NOX4: variants seen among roughly 807,000 people sequenced by gnomAD.
NOX4 encodes the protein NADPH oxidase 4.
Under a neutral mutation model 87.6 loss-of-function variants are expected in NOX4, and 69 were observed. The observed-to-expected ratio is 0.79, with a 90% CI of 0.65 to 0.96. The LOEUF (loss-of-function observed/expected upper bound fraction) is 0.96. NOX4 is among the 40% of genes least tolerant of loss of function. The pLI is 0.00. For missense variants in NOX4, 680 were observed against 681.5 expected (o/e 1.00, Z 0.02); for synonymous variants, 275 against 238.2 (o/e 1.15, Z -1.42).
chr11:89,572,025 A>G, the NOX4 span, among the ~76,000 whole-genome samples: 1 of 152,200 alleles, frequency 6.6e-6, no homozygotes, highest in African/African-American at 2.4e-5. Context: ...AAAAGAATAC[A>G]GTCTTTTGCC....
chr11:89,410,466 G>T (rs1254004674), intron 8 of NOX4, among the ~76,000 whole-genome samples: 1 of 152,170 alleles, frequency 6.6e-6, no homozygotes, highest in Non-Finnish European at 1.5e-5. Context: ...GGGATTCCCT[G>T]CATAAAGATG....
intron 7 of NOX4, among the ~76,000 whole-genome samples, chr11:89,429,483 A>G (rs190364081): frequency 3.3e-5 from 5 of 152,294 alleles, no homozygotes; most frequent in Admixed American, 2.0e-4. Flanking sequence ...AAAGAAGAAA[A>G]GAGAGAAGAA....
chr11:89,481,769 T>A (rs1334399177), intron 2 of NOX4, among the ~76,000 whole-genome samples: 3 of 152,062 alleles, frequency 2.0e-5, no homozygotes, highest in Non-Finnish European at 2.9e-5. Context: ...TTTAACTATA[T>A]GAAATTCATC....
chr11:89,377,428 T>C (rs1328119874), intron 11 of NOX4, among the ~76,000 whole-genome samples: 1 of 152,154 alleles, frequency 6.6e-6, no homozygotes, highest in African/African-American at 2.4e-5. Flanking sequence ...AATCTGACTG[T>C]AACAACAGAT....
upstream of NOX4, among the ~76,000 whole-genome samples, chr11:89,496,624 G>C (rs1946955598): frequency 4.6e-5 from 7 of 151,046 alleles, no homozygotes; most frequent in Admixed American, 4.6e-4. Context: ...ACACAGACTA[G>C]TCAAATTTTG....
At chr11:89,361,516 T>A (rs1309170795) in intron 12 of NOX4, among the ~76,000 whole-genome samples, 4 of 152,190 alleles carry the variant, frequency 2.6e-5, no homozygotes, top group African/African-American at 9.6e-5. Context: ...TGTACATTGC[T>A]TGGGTGATGG....
At chr11:89,453,467 T>G (rs1945055882) in intron 2 of NOX4, among the ~76,000 whole-genome samples, 1 of 152,178 alleles carries the variant, frequency 6.6e-6, no homozygotes, top group Non-Finnish European at 1.5e-5. Flanking sequence ...GAGAACCATT[T>G]TCATTTGGTG....
chr11:89,540,518 TGGCTC>T, the NOX4 span, among the ~76,000 whole-genome samples: 3 of 152,046 alleles, frequency 2.0e-5, no homozygotes, highest in African/African-American at 7.2e-5. Flanking sequence ...CCGGGCACAG[TGGCTC>T]ACGCCTGTAA....
Position 89,444,204 on chromosome 11 carries a change from A to T in NOX4, c.378T>A (p.Asn126Lys), listed in dbSNP as rs148405952. 1 of 1,613,618 alleles carries T rather than the reference A, an allele frequency of 6.2e-7. No individual in the cohort carries two copies. The highest frequency in any genetic ancestry group is 1.7e-5 in the Admixed American group (1 of 59,960). The change falls in exon 5 of 18, where the codon AAT becomes AAA. Residue 126 changes from asparagine to lysine, a missense_variant. Asn to Lys is a moderately conservative substitution (Grantham distance 94). Transcript: ENST00000263317. ...SGVHVAAHLV[N>K]ALNFSVNYSE... ...TGTAATTCACTGAGAAGTTGAGGGC[A>T]TTCACCAGATGGGCAGCCACATGCA...
chr11:89,334,727 A>C (rs1393303629), intron 17 of NOX4, among the ~76,000 whole-genome samples: 1 of 151,772 alleles, frequency 6.6e-6, no homozygotes, highest in Non-Finnish European at 1.5e-5. Context: ...TGATAACTCA[A>C]GCCAGAAGTA....
chr11:89,424,185 T>G (rs747729279), intron 7 of NOX4, among the ~76,000 whole-genome samples: 30 of 151,920 alleles, frequency 2.0e-4, no homozygotes, highest in Non-Finnish European at 4.0e-4. Context: ...TCTCCAGATA[T>G]TATATGTTTT....
chr11:89,467,349 C>CAAAAAA (rs71052233), intron 2 of NOX4, among the ~76,000 whole-genome samples: 11 of 61,456 alleles, frequency 1.8e-4, no homozygotes, highest in African/African-American at 2.3e-4. Context: ...AAACTCGTCA[C>CAAAAAA]AAAAAAAAAA....
the NOX4 span, among the ~76,000 whole-genome samples, chr11:89,571,374 C>T: frequency 6.6e-6 from 1 of 151,646 alleles, no homozygotes; most frequent in East Asian, 1.9e-4. Flanking sequence ...TCGACTCACT[C>T]CAACCTCCGC....
At chr11:89,553,241 G>T in the NOX4 span, among the ~76,000 whole-genome samples, 32 of 152,144 alleles carry the variant, frequency 2.1e-4, no homozygotes, top group Non-Finnish European at 3.5e-4. Context: ...CAGGGTAGGG[G>T]TTGTCCTGGT....
the NOX4 span, among the ~76,000 whole-genome samples, chr11:89,567,026 C>T: frequency 1.3e-5 from 2 of 152,140 alleles, no homozygotes; most frequent in African/African-American, 4.8e-5. Flanking sequence ...GCCAGGGATG[C>T]ACATCCTCCA....
the NOX4 span, among the ~76,000 whole-genome samples, chr11:89,518,375 G>C: frequency 7.8e-5 from 8 of 102,404 alleles, no homozygotes; most frequent in East Asian, 2.0e-3. Context: ...GAAAGTCTTG[G>C]GGGGGGGACA....
At chr11:89,373,581 C>A in intron 11 of NOX4, 89 bp from the exon 12 acceptor site, 1 of 820,570 alleles carries the variant, frequency 1.2e-6, no homozygotes, top group South Asian at 1.5e-5. Flanking sequence ...GATAGCAAGT[C>A]CCCCATATCA....
chr11:89,340,234 A>G (rs1289534392), intron 14 of NOX4, 63 bp from the exon 15 acceptor site: 3 of 1,113,858 alleles, frequency 2.7e-6, no homozygotes, highest in Non-Finnish European at 4.0e-6. Flanking sequence ...AAGAATTCGT[A>G]TATTTTTTAA....
At chr11:89,413,515 C>G (rs12801870) in intron 8 of NOX4, among the ~76,000 whole-genome samples, 63,605 of 151,956 alleles carry the variant, frequency 0.42, 13,722 homozygotes, top group East Asian at 0.56. Flanking sequence ...GAGATCCTCT[C>G]ATTTTCAACG....
Sources: allele counts gnomAD v4.1 joint callset (sites outside exome capture counted in the v4.1 genomes callset), GRCh38; gene constraint gnomAD v4.1.1; transcripts MANE v1.5; gene names NCBI Gene and HGNC (gene_info 2026-07-23, HGNC 2026-07-21).